Variants in MEI1 observed in about 807,000 individuals in gnomAD.
MEI1 encodes the protein meiotic double-stranded break formation protein 1.
Under a neutral mutation model 146.2 loss-of-function variants are expected in MEI1, and 103 were observed. That is an observed-to-expected ratio of 0.70 (90% CI 0.60 to 0.83). The LOEUF is 0.83. Ranked by LOEUF, MEI1 falls within the 40% of genes least tolerant of loss-of-function variation. MEI1 has a pLI of 0.00. For missense variants in MEI1, 1,529 were observed against 1,533.0 expected, an observed-to-expected ratio of 1.00 and a Z score of 0.04; for synonymous variants, 652 against 628.2, an observed-to-expected ratio of 1.04 and a Z score of -0.57.
At chr22:41,791,338 A>G (rs966672226) in intron 26 of MEI1, among the ~76,000 whole-genome samples, 4 of 152,160 alleles carry the variant, frequency 2.6e-5, no homozygotes, top group Non-Finnish European at 5.9e-5. Context: ...AATACAAAAA[A>G]TTAGCTGGAC....
intron 19 of MEI1, among the ~76,000 whole-genome samples, chr22:41,764,809 G>A (rs1176101136): frequency 6.6e-6 from 1 of 152,184 alleles, no homozygotes; most frequent in Non-Finnish European, 1.5e-5. Flanking sequence ...ATACCTTAGA[G>A]CTCTTTGCTC....
Position 41,716,022 on chromosome 22 carries a change from G to A in MEI1, c.424-19G>A. On this transcript the variant is annotated intron_variant, in intron 4 of 30. Transcript: ENST00000401548. ...TCCTGATCCTAATTGACAGAATGGA[G>A]CATATTCACTTTCTGTAGCTGTGTA... The A allele has an allele frequency of 3.8e-6, 6 of 1,561,960 alleles. No individual in the cohort carries two copies. Among genetic ancestry groups the A allele is most frequent in the Non-Finnish European group, 3.5e-6 (4 of 1,141,914 alleles).
rs6002471 is a variant in MEI1, at chr22:41,768,058, G to A, written c.2269-2628G>A. Among the ~76,000 whole-genome samples the A allele has an allele frequency of 1.2e-3, 178 of 152,268 alleles. 2 individuals are homozygous for A. The highest frequency in any genetic ancestry group is 4.2e-3 in the African/African-American group (176 of 41,558). Reference sequence around the variant, plus strand: ...AGGTAGAATAGAGAGGAGCTGAAAAGGTAGACTTAAGTCTTTATTAACATG... The same window carrying A: ...AGGTAGAATAGAGAGGAGCTGAAAAAGTAGACTTAAGTCTTTATTAACATG... On this transcript the variant is annotated intron_variant, in intron 19 of 30. Transcript: ENST00000401548.
At position 41,784,319 on chromosome 22, in the gene MEI1, T is replaced by A; in HGVS notation, c.3088-20T>A. On this transcript the variant is annotated intron_variant, in intron 24 of 30. Coordinates refer to ENST00000401548, the MANE Select transcript of MEI1 (RefSeq NM_152513.4). ...GCTTCCAGAACATGGGGGTTAGCCC[T>A]TTACCCTGTGCCCTGCCAGGTTCAC... 6.2e-7 allele frequency: 1 copy of A among 1,611,486 alleles called. No individual in the cohort carries two copies. The highest frequency in any genetic ancestry group is 8.5e-7 in the Non-Finnish European group (1 of 1,178,526).
intron 20 of MEI1, among the ~76,000 whole-genome samples, chr22:41,773,056 T>C (rs2075271038): frequency 6.6e-6 from 1 of 152,178 alleles, no homozygotes; most frequent in African/African-American, 2.4e-5. Context: ...CAAACAGAAA[T>C]TGAATCTCAG....
At chr22:41,779,911 A>C (rs1602118293) in intron 22 of MEI1, among the ~76,000 whole-genome samples, 1 of 152,182 alleles carries the variant, frequency 6.6e-6, no homozygotes, top group East Asian at 1.9e-4. Context: ...GGTTGAAATG[A>C]ATAGGAAAAA....
rs745527463 is a variant in MEI1 at position 41,784,308 on chromosome 22, G to A, written c.3088-31G>A. 1.5e-5 allele frequency: 24 copies of A among 1,598,916 alleles called. No individual in the cohort carries two copies. In the South Asian group the frequency reaches 2.6e-4, roughly 18 times the overall value. On this transcript the variant is annotated intron_variant, in intron 24 of 30. Coordinates refer to ENST00000401548, the MANE Select transcript of MEI1 (RefSeq NM_152513.4). ...TTTCTGCCCAGGCTTCCAGAACATG[G>A]GGGTTAGCCCTTTACCCTGTGCCCT...
chr22:41,721,379 G>T (rs1399653835), intron 6 of MEI1, among the ~76,000 whole-genome samples: 1 of 150,954 alleles, frequency 6.6e-6, no homozygotes, highest in Non-Finnish European at 1.5e-5. Context: ...TGAGTAGCTG[G>T]GACTACAGGC....
intron 11 of MEI1, among the ~76,000 whole-genome samples, chr22:41,738,264 C>G (rs1405662030): frequency 6.6e-6 from 1 of 151,986 alleles, no homozygotes; most frequent in African/African-American, 2.4e-5. Context: ...ACCATCCTGG[C>G]CAACATGGTG....
chr22:41,768,591 G>A (rs183209174), intron 19 of MEI1, among the ~76,000 whole-genome samples: 279 of 152,282 alleles, frequency 1.8e-3, no homozygotes, highest in Non-Finnish European at 3.0e-3. Context: ...GGCTATACAG[G>A]AAGCATGGCT....
intron 3 of MEI1, among the ~76,000 whole-genome samples, chr22:41,711,393 G>A (rs909682479): frequency 6.6e-6 from 1 of 152,108 alleles, no homozygotes; most frequent in Admixed American, 6.5e-5. Flanking sequence ...GGATGGTCTC[G>A]ATTTCTTGAC....
In MEI1 at chr22:41,700,924, T is replaced by G. The variant is rs539513914; in HGVS notation, c.174+1212T>G. Among the ~76,000 whole-genome samples, 4 of 151,464 alleles carry G rather than the reference T, an allele frequency of 2.6e-5. No homozygotes were observed. The South Asian group carries it at 8.4e-4, about 32-fold the overall frequency. On this transcript the variant is annotated intron_variant, in intron 1 of 30. Coordinates refer to ENST00000401548, the MANE Select transcript of MEI1 (RefSeq NM_152513.4). Reference sequence around the variant, plus strand: ...GTGCCTGGCTGCGTTCTCAAATATTTTGATTTCTTTCTTTCTTTTTTTTTT... The same window carrying G: ...GTGCCTGGCTGCGTTCTCAAATATTGTGATTTCTTTCTTTCTTTTTTTTTT...
intron 7 of MEI1, among the ~76,000 whole-genome samples, chr22:41,724,681 C>T (rs1020583774): frequency 2.6e-4 from 40 of 151,774 alleles, no homozygotes; most frequent in Admixed American, 9.2e-4. Context: ...ATCCCAGCTA[C>T]TCAGGAGGCT....
chr22:41,795,343 C>T lies in MEI1; in HGVS notation c.3535-68C>T, dbSNP rs2148263141. The T allele has an allele frequency of 6.3e-7, 1 of 1,590,436 alleles. No individual in the cohort carries two copies. The highest frequency in any genetic ancestry group is 8.6e-7 in the Non-Finnish European group (1 of 1,166,008). On this transcript the variant is annotated intron_variant, in intron 28 of 30. Coordinates refer to ENST00000401548, the MANE Select transcript of MEI1 (RefSeq NM_152513.4). The surrounding 1 kb of genome is among the most constrained non-coding windows in gnomAD (Gnocchi z 4.2). ...GACAGTGTCTCCTAAAGTTGGGGCACAGCAGTTGTCTATGATGAAGGAGAT... is the reference window on the plus strand; with the variant it reads ...GACAGTGTCTCCTAAAGTTGGGGCATAGCAGTTGTCTATGATGAAGGAGAT...
intron 14 of MEI1, chr22:41,747,198 G>A (rs2073364041): frequency 6.6e-6 from 1 of 151,728 alleles, no homozygotes; most frequent in Admixed American, 6.6e-5. Context: ...AGGGCACACT[G>A]TGGTGGCTAT....
At chr22:41,756,309 G>A (rs1329004030) in intron 17 of MEI1, among the ~76,000 whole-genome samples, 4 of 151,932 alleles carry the variant, frequency 2.6e-5, no homozygotes, top group Non-Finnish European at 5.9e-5. Flanking sequence ...TGATTTTTTT[G>A]TATTTTTAGT....
chr22:41,776,906 C>T (rs573561234), intron 21 of MEI1, among the ~76,000 whole-genome samples: 1 of 151,396 alleles, frequency 6.6e-6, no homozygotes, highest in Admixed American at 6.6e-5. Context: ...CTCTACTTTC[C>T]AGGTTCAAGC....
intron 20 of MEI1, among the ~76,000 whole-genome samples, chr22:41,773,671 C>T (rs2075302966): frequency 6.6e-6 from 1 of 151,648 alleles, no homozygotes; most frequent in South Asian, 2.1e-4. Flanking sequence ...GTCAGGAGTT[C>T]GAGACCAGCC....
In MEI1 at chr22:41,724,014, A is replaced by G. The variant is rs375505668; in HGVS notation, c.805A>G (p.Ser269Gly). 6.2e-6 allele frequency: 10 copies of G among 1,613,732 alleles called. No homozygotes were observed. The African/African-American group carries it at 1.1e-4, about 17-fold the overall frequency. Residue 269 changes from serine to glycine, a missense_variant, in exon 7 of 31, where the codon AGT becomes GGT. Ser to Gly is a moderately conservative substitution (Grantham distance 56). Around this residue, in one of 3 missense-constraint regions of MEI1, gnomAD observed 1,212 missense variants for 1,178.9 expected, o/e 1.03. Coordinates refer to ENST00000401548, the MANE Select transcript of MEI1 (RefSeq NM_152513.4). ...CATGAACCAGGATGGACTGGGAGAAAGTGCTAAGAATATCGAAGGGTCATC... is the reference window on the plus strand; with the variant it reads ...CATGAACCAGGATGGACTGGGAGAAGGTGCTAAGAATATCGAAGGGTCATC... ...MIMNQDGLGE[S>G]AKNIEGSSGN...
Sources: allele counts gnomAD v4.1 joint callset (sites outside exome capture counted in the v4.1 genomes callset), GRCh38; gene constraint gnomAD v4.1.1; regional missense constraint gnomAD v4.1.1; non-coding constraint Gnocchi (gnomAD v3.1); transcripts MANE v1.5; gene names NCBI Gene and HGNC (gene_info 2026-07-23, HGNC 2026-07-21).